GLIS3: variants seen among roughly 807,000 people sequenced by gnomAD.
The protein encoded by GLIS3 is GLIS family zinc finger 3, also known as zinc finger protein GLIS3.
GLIS3 carries 53 observed loss-of-function variants against 78.6 expected under a neutral mutation model. That is an observed-to-expected ratio of 0.67 (90% CI 0.54 to 0.85). GLIS3 has a LOEUF of 0.85. GLIS3 is among the 40% of genes least tolerant of loss of function. GLIS3 has a pLI of 0.00. For synonymous variants in GLIS3, 684 were observed against 509.9 expected, an observed-to-expected ratio of 1.34 and a Z score of -4.60; for missense variants, 1,703 against 1,231.1, an observed-to-expected ratio of 1.38 and a Z score of -5.74.
chr9:4,082,214 G>A (rs1299386457), intron 4 of GLIS3, among the ~76,000 whole-genome samples: 1 of 152,142 alleles, frequency 6.6e-6, no homozygotes. Context: ...TTTAAATGTG[G>A]CACTGCTTAT....
At chr9:3,864,596 C>T (rs1290525250) in intron 8 of GLIS3, among the ~76,000 whole-genome samples, 1 of 152,160 alleles carries the variant, frequency 6.6e-6, no homozygotes, top group African/African-American at 2.4e-5. Context: ...ATAATCCATA[C>T]ATTTGAAAAG....
chr9:4,069,214 G>A (rs150118332), intron 4 of GLIS3, among the ~76,000 whole-genome samples: 223 of 152,284 alleles, frequency 1.5e-3, no homozygotes, highest in South Asian at 9.5e-3. Flanking sequence ...TTTATGGTTG[G>A]GGGAATTAAT....
chr9:4,135,257 GT>G (rs1833317870), intron 2 of GLIS3, among the ~76,000 whole-genome samples: 1 of 151,930 alleles, frequency 6.6e-6, no homozygotes, highest in African/African-American at 2.4e-5. Context: ...TTGTGTATGT[GT>G]CCATGTGCTT....
chr9:4,412,507 G>A, the GLIS3 span, among the ~76,000 whole-genome samples: 10 of 152,096 alleles, frequency 6.6e-5, no homozygotes, highest in Non-Finnish European at 1.0e-4. Context: ...CCTTGCATTT[G>A]TATCTCTGTG....
chr9:3,945,108 C>A (rs1466704421), intron 4 of GLIS3, among the ~76,000 whole-genome samples: 5 of 152,210 alleles, frequency 3.3e-5, no homozygotes, highest in African/African-American at 1.2e-4. Context: ...CCTCTCAGCA[C>A]TGACACATGG....
At chr9:4,116,545 C>A (rs1831653526) in intron 4 of GLIS3, among the ~76,000 whole-genome samples, 1 of 152,148 alleles carries the variant, frequency 6.6e-6, no homozygotes, top group African/African-American at 2.4e-5. Flanking sequence ...ACCTACCGGG[C>A]AGTGAAAAAG....
intron 4 of GLIS3, among the ~76,000 whole-genome samples, chr9:4,046,641 T>C (rs1825273860): frequency 6.6e-6 from 1 of 152,224 alleles, no homozygotes; most frequent in Admixed American, 6.5e-5. Flanking sequence ...CTCTGTGCCA[T>C]ACTTGAAGTA....
At chr9:3,908,633 C>T (rs1190284278) in intron 6 of GLIS3, among the ~76,000 whole-genome samples, 3 of 151,258 alleles carry the variant, frequency 2.0e-5, no homozygotes, top group African/African-American at 7.3e-5. Context: ...GAAATTTGAG[C>T]TGCTTCCCTA....
intron 4 of GLIS3, among the ~76,000 whole-genome samples, chr9:4,002,267 A>T (rs528368431): frequency 6.6e-6 from 1 of 152,258 alleles, no homozygotes; most frequent in South Asian, 2.1e-4. Flanking sequence ...AAGGAAACAG[A>T]TTCTTCCTTC....
chr9:4,452,969 A>T, the GLIS3 span, among the ~76,000 whole-genome samples: 1 of 152,218 alleles, frequency 6.6e-6, no homozygotes, highest in Non-Finnish European at 1.5e-5. Context: ...ACAGAGAGAT[A>T]GACCAATGGA....
intron 8 of GLIS3, among the ~76,000 whole-genome samples, chr9:3,874,339 G>T (rs983457287): frequency 7.2e-5 from 11 of 152,206 alleles, no homozygotes; most frequent in Non-Finnish European, 1.5e-4. Flanking sequence ...TTCCTGGAGG[G>T]CGGTAGGCCT....
chr9:4,399,932 T>A, the GLIS3 span, among the ~76,000 whole-genome samples: 1 of 152,110 alleles, frequency 6.6e-6, no homozygotes, highest in Non-Finnish European at 1.5e-5. Flanking sequence ...TACTACGTGG[T>A]CTTTTCAATA....
intron 4 of GLIS3, among the ~76,000 whole-genome samples, chr9:4,069,533 A>G (rs1309914149): frequency 6.6e-6 from 1 of 152,206 alleles, no homozygotes; most frequent in Non-Finnish European, 1.5e-5. Flanking sequence ...GATTCTTATT[A>G]TCTGTGACTA....
the GLIS3 span, among the ~76,000 whole-genome samples, chr9:4,446,372 C>T: frequency 6.6e-6 from 1 of 152,206 alleles, no homozygotes; most frequent in Non-Finnish European, 1.5e-5. Flanking sequence ...ACTAAATCTG[C>T]TGATGCCTTG....
chr9:4,273,204 C>T (rs965764724), intron 2 of GLIS3, among the ~76,000 whole-genome samples: 1 of 150,830 alleles, frequency 6.6e-6, no homozygotes, highest in African/African-American at 2.5e-5. Flanking sequence ...TCTTGTGCAG[C>T]GCAGTTGCAG....
At chr9:4,004,875 C>T (rs1821414657) in intron 4 of GLIS3, among the ~76,000 whole-genome samples, 1 of 152,134 alleles carries the variant, frequency 6.6e-6, no homozygotes, top group African/African-American at 2.4e-5. Context: ...ATATTTGAGT[C>T]TTGGCTCTAT....
Position 4,201,946 on chromosome 9 carries a change from G to C in GLIS3, c.389-76005C>G, listed in dbSNP as rs553935830. Among the ~76,000 whole-genome samples the C allele has an allele frequency of 1.5e-4, 23 of 152,124 alleles. No individual in the cohort carries two copies. The East Asian group carries it at 4.3e-3, about 28-fold the overall frequency. ...AAGTCAGGCGTTCGAGACCAGCCTG[G>C]CCAGTGTATAGTGAAACCCCATCTC... On this transcript the variant is annotated intron_variant, in intron 2 of 10. Coordinates refer to ENST00000381971, the MANE Select transcript of GLIS3 (RefSeq NM_001042413.2).
At chr9:4,185,068 T>A (rs1192557198) in intron 2 of GLIS3, among the ~76,000 whole-genome samples, 1 of 152,162 alleles carries the variant, frequency 6.6e-6, no homozygotes, top group Non-Finnish European at 1.5e-5. Flanking sequence ...ATTGCCATCA[T>A]CCCAATAGGA....
chr9:4,216,567 C>T (rs901513337), intron 2 of GLIS3, among the ~76,000 whole-genome samples: 2 of 151,152 alleles, frequency 1.3e-5, no homozygotes, highest in African/African-American at 4.9e-5. Flanking sequence ...GGACTTAGAG[C>T]CCCAGCCAGG....
Sources: gnomAD v4.1 joint callset for allele counts (sites outside exome capture counted in the v4.1 genomes callset) on GRCh38, gnomAD v4.1.1 for gene constraint, MANE v1.5 for transcripts, NCBI Gene and HGNC (gene_info 2026-07-23, HGNC 2026-07-21) for gene names.